Variants in DGLUCY observed in about 807,000 individuals in gnomAD.
DGLUCY encodes the protein D-glutamate cyclase, mitochondrial.
A neutral mutation model predicts 58.5 loss-of-function variants in DGLUCY; 58 were observed. The observed-to-expected ratio is 0.99, with a 90% CI of 0.80 to 1.23. The LOEUF is 1.23. DGLUCY is among the 50% of genes most tolerant of loss of function. The pLI is 0.00. For synonymous variants in DGLUCY, 325 were observed against 314.1 expected, an observed-to-expected ratio of 1.03 and a Z score of -0.37; for missense variants, 779 against 784.7, an observed-to-expected ratio of 0.99 and a Z score of 0.09.
At chr14:91,127,442 C>T (rs1012920309) in intron 1 of DGLUCY, among the ~76,000 whole-genome samples, 7 of 152,182 alleles carry the variant, frequency 4.6e-5, no homozygotes, top group African/African-American at 1.2e-4. Flanking sequence ...ACCTTGTCCT[C>T]GCTGCACCTG....
rs755302951 is a variant in DGLUCY at position 91,141,589 on chromosome 14, G to C, written c.-81-16050G>C. ...TTTTTTTGAAGCGGAGTCTCACTCT[G>C]TCGCCAGGCTGGAGTGCAATGGCGC... On this transcript the variant is annotated intron_variant, in intron 1 of 13. Coordinates refer to ENST00000256324, the MANE Select transcript of DGLUCY (RefSeq NM_001102368.3). Among the ~76,000 whole-genome samples the C allele has an allele frequency of 4.5e-4, 61 of 136,432 alleles. 1 individual carries two copies. The Middle Eastern group carries it at 0.022, about 50-fold the overall frequency. 89.5% of individuals were successfully genotyped at this position (136,432 alleles called of 152,430 possible).
chr14:91,072,216 C>T (rs532151980), intron 1 of DGLUCY, among the ~76,000 whole-genome samples: 7 of 151,762 alleles, frequency 4.6e-5, no homozygotes, highest in East Asian at 1.9e-4. Flanking sequence ...CCCAGCTACT[C>T]GGGAGGCTGA....
At chr14:91,078,556 A>C (rs1173399792) in intron 1 of DGLUCY, among the ~76,000 whole-genome samples, 1 of 152,166 alleles carries the variant, frequency 6.6e-6, no homozygotes, top group African/African-American at 2.4e-5. Context: ...TCTGTGAACC[A>C]GCATGTGCCT....
In DGLUCY at chr14:91,102,529, T is replaced by C. The variant is rs531478079; in HGVS notation, c.-82+41825T>C. Among the ~76,000 whole-genome samples the C allele has an allele frequency of 2.6e-5, 4 of 152,116 alleles. No homozygotes were observed. The South Asian group carries it at 8.3e-4, about 32-fold the overall frequency. ...GATGGGAGCCAAAAGGAAAGTGGCA[T>C]TGAGGGTAGAGGCAGATGTGAATGG... On this transcript the variant is annotated intron_variant, in intron 1 of 4. Coordinates refer to the DGLUCY transcript ENST00000521334.
At chr14:91,143,664 T>C (rs1233838694) in intron 1 of DGLUCY, among the ~76,000 whole-genome samples, 1 of 152,122 alleles carries the variant, frequency 6.6e-6, no homozygotes, top group Non-Finnish European at 1.5e-5. Context: ...CTGGGTGGGG[T>C]TGATGGTCAT....
chr14:91,167,296 A>G lies in DGLUCY; in HGVS notation c.175A>G (p.Asn59Asp). 1 of 1,613,754 alleles carries G rather than the reference A, an allele frequency of 6.2e-7. No individual in the cohort carries two copies. The highest frequency in any genetic ancestry group is 8.5e-7 in the Non-Finnish European group (1 of 1,179,910). ...APAFERFCQVNTGPLPLLGQS... is the reference protein window; with the variant it reads ...APAFERFCQVDTGPLPLLGQS... Reference sequence around the variant, plus strand: ...AGCTTTTGAAAGATTCTGCCAGGTCAACACTGGTCCTCTACCCCTGCTGGG... The same window carrying G: ...AGCTTTTGAAAGATTCTGCCAGGTCGACACTGGTCCTCTACCCCTGCTGGG... Residue 59 changes from asparagine (N) to aspartate (D), a missense_variant, in exon 4 of 14, where the codon AAC (asparagine) becomes GAC (aspartate). Asn to Asp is a conservative substitution (Grantham distance 23, BLOSUM62 1). Transcript: ENST00000256324.
intron 1 of DGLUCY, among the ~76,000 whole-genome samples, chr14:91,140,283 T>G (rs1357791676): frequency 6.6e-6 from 1 of 152,248 alleles, no homozygotes; most frequent in Non-Finnish European, 1.5e-5. Flanking sequence ...CAAAAAAGTT[T>G]GCCAGTTTGA....
chr14:91,149,438 C>T (rs990977867), intron 1 of DGLUCY, among the ~76,000 whole-genome samples: 6 of 152,150 alleles, frequency 3.9e-5, no homozygotes, highest in African/African-American at 7.2e-5. Flanking sequence ...GAGTGGTGCT[C>T]ATGGTGACCC....
chr14:91,195,916 C>T (rs1394689349), intron 9 of DGLUCY, among the ~76,000 whole-genome samples: 1 of 152,124 alleles, frequency 6.6e-6, no homozygotes, highest in East Asian at 1.9e-4. Flanking sequence ...GTGATCCGCC[C>T]ACCTTGGCCT....
chr14:91,127,516 A>G (rs1211147414), intron 1 of DGLUCY, among the ~76,000 whole-genome samples: 1 of 152,230 alleles, frequency 6.6e-6, no homozygotes, highest in East Asian at 1.9e-4. Flanking sequence ...CCTCTGCCCC[A>G]ACACACTGGG....
At chr14:91,208,438 A>G (rs1350062024) in intron 12 of DGLUCY, among the ~76,000 whole-genome samples, 2 of 152,216 alleles carry the variant, frequency 1.3e-5, no homozygotes, top group African/African-American at 2.4e-5. Context: ...ATGCTTATGT[A>G]TGTTTGTGTA....
chr14:91,220,168 G>T (rs921061664), intron 13 of DGLUCY, among the ~76,000 whole-genome samples: 13 of 152,342 alleles, frequency 8.5e-5, no homozygotes, highest in Non-Finnish European at 1.5e-4. Context: ...GGTTAGGAAG[G>T]TCGCAGGCCC....
intron 12 of DGLUCY, among the ~76,000 whole-genome samples, chr14:91,205,228 G>C: frequency 6.6e-6 from 1 of 152,246 alleles, no homozygotes. Flanking sequence ...TCTGAAGAGA[G>C]TGATCTGTGC....
intron 1 of DGLUCY, among the ~76,000 whole-genome samples, chr14:91,143,137 C>G (rs1489222576): frequency 7.3e-5 from 11 of 151,218 alleles, no homozygotes; most frequent in Non-Finnish European, 1.5e-5. Context: ...GCTCTGTCGC[C>G]CAGGCTGGAG....
At chr14:91,161,767 A>T (rs969131098) in intron 3 of DGLUCY, among the ~76,000 whole-genome samples, 1 of 151,832 alleles carries the variant, frequency 6.6e-6, no homozygotes, top group Non-Finnish European at 1.5e-5. Flanking sequence ...ACTGGGGAGC[A>T]TAGTTTATAT....
At chr14:91,115,427 T>G (rs751531110) in intron 1 of DGLUCY, among the ~76,000 whole-genome samples, 1 of 151,906 alleles carries the variant, frequency 6.6e-6, no homozygotes, top group Non-Finnish European at 1.5e-5. Flanking sequence ...CACCTTTTTT[T>G]CCCCCCTTCA....
intron 1 of DGLUCY, among the ~76,000 whole-genome samples, chr14:91,098,052 A>G (rs2044426480): frequency 6.6e-6 from 1 of 152,238 alleles, no homozygotes; most frequent in Non-Finnish European, 1.5e-5. Context: ...GATGGCACTG[A>G]ATGCAGAGCT....
At chr14:91,129,229 C>T (rs1481461297) in intron 1 of DGLUCY, among the ~76,000 whole-genome samples, 7 of 152,064 alleles carry the variant, frequency 4.6e-5, no homozygotes, top group Admixed American at 3.3e-4. Flanking sequence ...AACTGTGTCC[C>T]TAGGATCCAA....
At chr14:91,197,483 C>T (rs2050290196) in intron 10 of DGLUCY, among the ~76,000 whole-genome samples, 1 of 152,196 alleles carries the variant, frequency 6.6e-6, no homozygotes. Flanking sequence ...CATCACCATC[C>T]ATCTGCAGAC....
Sources: allele counts gnomAD v4.1 joint callset (sites outside exome capture counted in the v4.1 genomes callset), GRCh38; gene constraint gnomAD v4.1.1; transcripts MANE v1.5; gene names NCBI Gene and HGNC (gene_info 2026-07-23, HGNC 2026-07-21).